Variants in ANO2 observed in about 807,000 individuals in gnomAD.
The protein encoded by ANO2 is anoctamin-2.
Under a neutral mutation model 124.2 loss-of-function variants are expected in ANO2, and 101 were observed. The ratio of observed to expected loss-of-function variants is 0.81; its 90% confidence interval spans 0.69 to 0.96. ANO2 has a LOEUF of 0.96. ANO2 is among the 40% of genes least tolerant of loss of function. The pLI, the probability that ANO2 is intolerant of heterozygous loss-of-function variation, is 0.00. For synonymous variants in ANO2, 486 were observed against 482.5 expected (o/e 1.01, Z -0.09); for missense variants, 1,293 against 1,274.5 (o/e 1.01, Z -0.22).
intron 16 of ANO2, among the ~76,000 whole-genome samples, chr12:5,618,472 C>T (rs1336953278): frequency 1.3e-5 from 2 of 152,184 alleles, no homozygotes; most frequent in African/African-American, 4.8e-5. Flanking sequence ...TTACATTTCA[C>T]TTCTGTGGAT....
intron 14 of ANO2, among the ~76,000 whole-genome samples, chr12:5,649,872 C>T (rs1039587372): frequency 9.2e-5 from 14 of 152,288 alleles, no homozygotes; most frequent in Admixed American, 3.9e-4. Context: ...TCTCGATCTC[C>T]TGACCTCGTG....
rs112579461 is a variant in ANO2 at position 5,795,732 on chromosome 12, T to G, written c.1055+3775A>C. Reference sequence around the variant, plus strand: ...AACGTCCAAGCTAAGAAAATCAGCCTGGGAGCAGATATTAACTTTAGTAAA... The same window carrying G: ...AACGTCCAAGCTAAGAAAATCAGCCGGGGAGCAGATATTAACTTTAGTAAA... On this transcript the variant is annotated intron_variant, in intron 10 of 24. Transcript: ENST00000682330. Among the ~76,000 whole-genome samples, 1,298 of 152,276 alleles carry G rather than the reference T, an allele frequency of 8.5e-3. 18 individuals carry two copies. Among genetic ancestry groups the G allele is most frequent in the African/African-American group, 0.029 (1,195 of 41,556 alleles).
At chr12:5,691,588 G>A (rs1373772346) in intron 14 of ANO2, among the ~76,000 whole-genome samples, 3 of 152,000 alleles carry the variant, frequency 2.0e-5, no homozygotes, top group Non-Finnish European at 4.4e-5. Flanking sequence ...ATATGCACTG[G>A]TGTGTGGGAG....
intron 3 of ANO2, among the ~76,000 whole-genome samples, chr12:5,877,835 A>G (rs545964540): frequency 6.6e-5 from 10 of 152,348 alleles, no homozygotes; most frequent in Non-Finnish European, 1.2e-4. Flanking sequence ...GCATTTCACA[A>G]TAAGGTTCAC....
At chr12:5,920,097 A>ATGGG (rs1031880097) in intron 3 of ANO2, among the ~76,000 whole-genome samples, 4 of 151,792 alleles carry the variant, frequency 2.6e-5, no homozygotes, top group African/African-American at 9.7e-5. Flanking sequence ...GCATGCATGC[A>ATGGG]TGGGTGGGTG....
chr12:5,760,997 G>A (rs1249560197), intron 10 of ANO2, among the ~76,000 whole-genome samples: 13 of 149,646 alleles, frequency 8.7e-5, no homozygotes, highest in Admixed American at 2.0e-4. Context: ...TCTTACTTCC[G>A]TGGGGCTCTG....
chr12:5,831,396 T>C (rs1954148906), intron 5 of ANO2, among the ~76,000 whole-genome samples: 1 of 152,068 alleles, frequency 6.6e-6, no homozygotes, highest in Non-Finnish European at 1.5e-5. Flanking sequence ...GAAGTGACCA[T>C]TCAGATGCCA....
intron 10 of ANO2, among the ~76,000 whole-genome samples, chr12:5,774,874 C>T (rs904950177): frequency 6.6e-6 from 1 of 152,320 alleles, no homozygotes; most frequent in Non-Finnish European, 1.5e-5. Flanking sequence ...CAGTTCTGCA[C>T]CTAGGCATTG....
chr12:5,853,326 A>G (rs1243905641), intron 4 of ANO2, among the ~76,000 whole-genome samples: 1 of 149,268 alleles, frequency 6.7e-6, no homozygotes, highest in Non-Finnish European at 1.5e-5. Flanking sequence ...TAAATTATGT[A>G]TAGACTATCC....
rs534121780 is a variant in ANO2 at position 5,685,309 on chromosome 12, A to T, written c.1546-37508T>A. On this transcript the variant is annotated intron_variant, in intron 14 of 24. Coordinates refer to ENST00000682330, the MANE Select transcript of ANO2 (RefSeq NM_001364791.2). ...CTAGGGAAGTGGGGGCTTACAGGGT[A>T]GCAATAAGACTCTTGGCATGGCCCC... 7.9e-5 allele frequency among the ~76,000 whole-genome samples: 12 copies of T among 152,306 alleles called. No homozygotes were observed. In the South Asian group the frequency reaches 2.5e-3, roughly 32 times the overall value.
intron 23 of ANO2, among the ~76,000 whole-genome samples, chr12:5,573,949 C>A (rs1170923905): frequency 1.3e-5 from 2 of 152,218 alleles, no homozygotes; most frequent in Admixed American, 1.3e-4. Flanking sequence ...TCTCAGACCA[C>A]AAATCTGAAC....
intron 4 of ANO2, among the ~76,000 whole-genome samples, chr12:5,842,454 T>G (rs954954813): frequency 6.6e-6 from 1 of 152,112 alleles, no homozygotes; most frequent in African/African-American, 2.4e-5. Context: ...TGTGCCACCA[T>G]GATGCCCTGC....
chr12:5,629,353 G>A (rs766550730), intron 16 of ANO2, among the ~76,000 whole-genome samples: 15 of 152,168 alleles, frequency 9.9e-5, no homozygotes, highest in Admixed American at 2.0e-4. Flanking sequence ...GAGACAGGCC[G>A]CCTTTCCAGG....
At chr12:5,715,185 C>T (rs1949975033) in intron 14 of ANO2, among the ~76,000 whole-genome samples, 1 of 152,080 alleles carries the variant, frequency 6.6e-6, no homozygotes, top group Non-Finnish European at 1.5e-5. Context: ...TACTTGTCCT[C>T]TAAATTGTTT....
At chr12:5,910,900 T>C (rs1186069640) in intron 3 of ANO2, among the ~76,000 whole-genome samples, 1 of 152,160 alleles carries the variant, frequency 6.6e-6, no homozygotes, top group South Asian at 2.1e-4. Context: ...CAGCTAAACC[T>C]TTCACACTTG....
In ANO2 at chr12:5,635,481, C is replaced by T; in HGVS notation, c.1621-134G>A. On this transcript the variant is annotated intron_variant, in intron 15 of 24. Transcript: ENST00000682330. The surrounding 1 kb of genome is among the most constrained non-coding windows in gnomAD (Gnocchi z 5.2). Reference sequence around the variant, plus strand: ...ATCTTTTGTTGGGTAACAAGGGATTCCAGATATTATTAGTCTGGAATATTT... The same window carrying T: ...ATCTTTTGTTGGGTAACAAGGGATTTCAGATATTATTAGTCTGGAATATTT... 2.6e-6 allele frequency: 2 copies of T among 755,918 alleles called. No individual in the cohort carries two copies. The highest frequency in any genetic ancestry group is 1.9e-6 in the Non-Finnish European group (1 of 530,632). The allele number at this position is 755,918 out of a possible 1,614,324, so 46.8% of individuals were successfully genotyped here.
At chr12:5,729,741 C>A (rs1371269091) in intron 14 of ANO2, among the ~76,000 whole-genome samples, 1 of 149,184 alleles carries the variant, frequency 6.7e-6, no homozygotes, top group Non-Finnish European at 1.5e-5. Context: ...TCCTAATAGC[C>A]CAAAAGTAGA....
intron 4 of ANO2, among the ~76,000 whole-genome samples, chr12:5,848,628 C>T (rs958639578): frequency 1.1e-4 from 16 of 152,300 alleles, no homozygotes; most frequent in East Asian, 9.7e-4. Flanking sequence ...GCAACTGCAC[C>T]GCAGACCTCA....
At chr12:5,815,722 T>G (rs1242199981) in intron 7 of ANO2, among the ~76,000 whole-genome samples, 2 of 152,332 alleles carry the variant, frequency 1.3e-5, no homozygotes, top group East Asian at 3.9e-4. Context: ...TCCTCCTAGT[T>G]TTGACATTCT....
Sources: allele counts gnomAD v4.1 joint callset (sites outside exome capture counted in the v4.1 genomes callset), GRCh38; gene constraint gnomAD v4.1.1; non-coding constraint Gnocchi (gnomAD v3.1); transcripts MANE v1.5; gene names NCBI Gene and HGNC (gene_info 2026-07-23, HGNC 2026-07-21).